Variants in DOK6 observed in about 807,000 individuals in gnomAD.
The protein encoded by DOK6 is docking protein 6, also known as downstream of tyrosine kinase 6.
Under a neutral mutation model 44.0 loss-of-function variants are expected in DOK6, and 22 were observed. That is an observed-to-expected ratio of 0.50 (90% CI 0.36 to 0.71). DOK6 has a LOEUF of 0.71. DOK6 is among the 30% of genes least tolerant of loss of function. The pLI, the probability that DOK6 is intolerant of heterozygous loss-of-function variation, is 0.00. For missense variants in DOK6, 340 were observed against 416.4 expected (o/e 0.82, Z 1.60); for synonymous variants, 166 against 145.5 (o/e 1.14, Z -1.01).
intron 2 of DOK6, among the ~76,000 whole-genome samples, chr18:69,570,443 C>G (rs78291255): frequency 6.6e-6 from 1 of 151,872 alleles, no homozygotes; most frequent in African/African-American, 2.4e-5. Context: ...GAAGTAAAAC[C>G]GCTTCTGGGA....
chr18:69,602,927 G>C (rs141643084), intron 3 of DOK6, among the ~76,000 whole-genome samples: 1 of 152,268 alleles, frequency 6.6e-6, no homozygotes, highest in African/African-American at 2.4e-5. Context: ...GAATGATGAA[G>C]TGATATTCAT....
intron 5 of DOK6, among the ~76,000 whole-genome samples, chr18:69,732,329 AT>A (rs1471700427): frequency 6.6e-6 from 1 of 152,120 alleles, no homozygotes; most frequent in South Asian, 2.1e-4. Flanking sequence ...ATCTTTTAAA[AT>A]TTTTTTCCCA....
intron 1 of DOK6, among the ~76,000 whole-genome samples, chr18:69,474,555 TG>T (rs1445872724): frequency 5.3e-5 from 8 of 152,230 alleles, no homozygotes; most frequent in African/African-American, 1.7e-4. Flanking sequence ...TGATATGGTT[TG>T]TACATGGTTT....
intron 7 of DOK6, among the ~76,000 whole-genome samples, chr18:69,811,612 AT>A (rs1981241030): frequency 1.4e-5 from 2 of 142,764 alleles, no homozygotes; most frequent in Middle Eastern, 3.8e-3. Flanking sequence ...AATATATACA[AT>A]TTTGGTTAAC....
At chr18:69,641,942 C>G (rs1220492012) in intron 3 of DOK6, among the ~76,000 whole-genome samples, 2 of 152,182 alleles carry the variant, frequency 1.3e-5, no homozygotes, top group Non-Finnish European at 2.9e-5. Context: ...AGCAACGATG[C>G]CAGTGCATTT....
intron 2 of DOK6, among the ~76,000 whole-genome samples, chr18:69,591,093 C>T (rs1983611462): frequency 6.6e-6 from 1 of 152,172 alleles, no homozygotes; most frequent in Non-Finnish European, 1.5e-5. Flanking sequence ...TTTTTACAAT[C>T]ATGCAGTTAC....
chr18:69,412,320 C>T (rs1284369426), intron 1 of DOK6, among the ~76,000 whole-genome samples: 2 of 152,100 alleles, frequency 1.3e-5, no homozygotes, highest in Non-Finnish European at 2.9e-5. Context: ...ATAATTTTGA[C>T]TTGGAATATT....
At chr18:69,641,977 C>G (rs1420572134) in intron 3 of DOK6, among the ~76,000 whole-genome samples, 1 of 152,166 alleles carries the variant, frequency 6.6e-6, no homozygotes, top group Admixed American at 6.6e-5. Context: ...GCATTTATAA[C>G]CACTGGATTT....
chr18:69,476,384 C>A (rs1454998336), intron 1 of DOK6, among the ~76,000 whole-genome samples: 1 of 152,014 alleles, frequency 6.6e-6, no homozygotes, highest in Non-Finnish European at 1.5e-5. Flanking sequence ...AATGTAAGTA[C>A]CTGAAAACTC....
At chr18:69,580,277 C>T (rs1040261218) in intron 2 of DOK6, among the ~76,000 whole-genome samples, 19 of 152,228 alleles carry the variant, frequency 1.2e-4, no homozygotes, top group Middle Eastern at 3.4e-3. Flanking sequence ...TTCCTTGTAG[C>T]TGTAGAGCTG....
At chr18:69,721,497 T>C (rs1015637475) in intron 5 of DOK6, 1 of 152,218 alleles carries the variant, frequency 6.6e-6, no homozygotes, top group Non-Finnish European at 1.5e-5. Flanking sequence ...AACAATCATG[T>C]TTTGGTTGTC....
At chr18:69,554,111 T>TA (rs931369681) in intron 1 of DOK6, among the ~76,000 whole-genome samples, 6 of 152,120 alleles carry the variant, frequency 3.9e-5, no homozygotes, top group Admixed American at 2.0e-4. Context: ...TTTTTAAACT[T>TA]AAAAAAATTG....
chr18:69,443,898 A>C (rs1178692651), intron 1 of DOK6, among the ~76,000 whole-genome samples: 1 of 152,034 alleles, frequency 6.6e-6, no homozygotes, highest in African/African-American at 2.4e-5. Flanking sequence ...GTGCTCCCTT[A>C]ACCTGCTGTG....
intron 3 of DOK6, among the ~76,000 whole-genome samples, chr18:69,677,384 A>ATT (rs1491050933): frequency 1.4e-5 from 2 of 147,598 alleles, no homozygotes; most frequent in Admixed American, 1.4e-4. Flanking sequence ...ATATATATAT[A>ATT]TGTATATAAA....
chr18:69,571,603 G>C (rs889180253), intron 2 of DOK6, among the ~76,000 whole-genome samples: 1 of 151,938 alleles, frequency 6.6e-6, no homozygotes, highest in Admixed American at 6.6e-5. Context: ...CAGAGAAATA[G>C]ACTTCCGGAC....
intron 1 of DOK6, among the ~76,000 whole-genome samples, chr18:69,548,164 A>AG (rs1982459769): frequency 6.6e-6 from 1 of 150,816 alleles, no homozygotes; most frequent in African/African-American, 2.4e-5. Flanking sequence ...GGTGTTAGCC[A>AG]GGATGGTCTC....
At chr18:69,544,584 T>G (rs1440103010) in intron 1 of DOK6, among the ~76,000 whole-genome samples, 1 of 151,398 alleles carries the variant, frequency 6.6e-6, no homozygotes, top group African/African-American at 2.4e-5. Flanking sequence ...ATTGAGAAGT[T>G]TTAAAGAGAA....
At chr18:69,523,184 T>C (rs1034061418) in intron 1 of DOK6, among the ~76,000 whole-genome samples, 1 of 152,070 alleles carries the variant, frequency 6.6e-6, no homozygotes, top group African/African-American at 2.4e-5. Context: ...AGGAAAGCCA[T>C]ATTTCTGAAT....
chr18:69,667,306 A>G (rs1985684528), intron 3 of DOK6, among the ~76,000 whole-genome samples: 1 of 152,168 alleles, frequency 6.6e-6, no homozygotes, highest in Non-Finnish European at 1.5e-5. Context: ...TGACCTAAAA[A>G]AAATTACAAA....
Sources: allele counts gnomAD v4.1 joint callset (sites outside exome capture counted in the v4.1 genomes callset), GRCh38; gene constraint gnomAD v4.1.1; transcripts MANE v1.5; gene names NCBI Gene and HGNC (gene_info 2026-07-23, HGNC 2026-07-21).